Variants in GFRA2 observed in about 807,000 individuals in gnomAD.
GFRA2 encodes the protein GDNF family receptor alpha-2.
Under a neutral mutation model 48.3 loss-of-function variants are expected in GFRA2, and 17 were observed. The observed-to-expected ratio is 0.35, with a 90% CI of 0.24 to 0.53. The LOEUF (loss-of-function observed/expected upper bound fraction) is 0.53, where lower values mean the gene tolerates loss of function less well. Among genes scored for constraint, GFRA2 ranks in the 20% least tolerant of loss-of-function variants. The probability of loss-of-function intolerance (pLI) is 0.93; values close to 1 mark genes in which losing one functional copy is unlikely to be tolerated. For synonymous variants in GFRA2, 305 were observed against 257.2 expected (o/e 1.19, Z -1.78); for missense variants, 660 against 637.3 (o/e 1.04, Z -0.38).
intron 8 of GFRA2, among the ~76,000 whole-genome samples, chr8:21,694,075 T>TTATATATATATA (rs1459342116): frequency 2.0e-5 from 1 of 49,128 alleles, no homozygotes. Flanking sequence ...ATTTATTTAT[T>TTATATATATATA]TTTATATATA....
At chr8:21,714,820 C>T (rs558136398) in intron 4 of GFRA2, among the ~76,000 whole-genome samples, 5 of 152,236 alleles carry the variant, frequency 3.3e-5, no homozygotes, top group African/African-American at 9.6e-5. Flanking sequence ...ACAAGGGCGG[C>T]CACCAGCACT....
chr8:21,704,442 G>A (rs1395191249), intron 6 of GFRA2, among the ~76,000 whole-genome samples: 2 of 152,202 alleles, frequency 1.3e-5, no homozygotes, highest in African/African-American at 4.8e-5. Flanking sequence ...CACAGAGAGG[G>A]AGGAACAGAA....
chr8:21,782,485 C>T (rs1170980512), intron 2 of GFRA2, 100 bp downstream of exon 2: 25 of 892,050 alleles, frequency 2.8e-5, no homozygotes, highest in Non-Finnish European at 3.7e-5. Context: ...GGCCAGTTTG[C>T]GCCACCACCT....
At chr8:21,723,743 C>T (rs543097371) in intron 4 of GFRA2, among the ~76,000 whole-genome samples, 4 of 152,316 alleles carry the variant, frequency 2.6e-5, no homozygotes, top group South Asian at 2.1e-4. Context: ...ACCACTCACT[C>T]GTCCTCTTCT....
chr8:21,780,323 C>T (rs981590867), intron 2 of GFRA2, among the ~76,000 whole-genome samples: 12 of 152,114 alleles, frequency 7.9e-5, no homozygotes, highest in African/African-American at 2.7e-4. Context: ...CTAAGAGCCT[C>T]AGCCTCAGCT....
At chr8:21,790,819 G>A (rs1807557628), upstream of GFRA2, among the ~76,000 whole-genome samples, 1 of 152,230 alleles carries the variant, frequency 6.6e-6, no homozygotes, top group Admixed American at 6.5e-5. Context: ...AGGTCTCTTG[G>A]CTTTTTTTCC....
At chr8:21,752,196 G>A (rs536078148) in intron 3 of GFRA2, among the ~76,000 whole-genome samples, 2 of 151,716 alleles carry the variant, frequency 1.3e-5, no homozygotes, top group African/African-American at 2.4e-5. Flanking sequence ...AGACCTCCTC[G>A]TGACCACACA....
At chr8:21,807,880 T>C (rs867586923) in intron 1 of GFRA2, among the ~76,000 whole-genome samples, 1 of 152,260 alleles carries the variant, frequency 6.6e-6, no homozygotes, top group Admixed American at 6.5e-5. Context: ...ATCATGCCAA[T>C]GCTAGAAGCA....
chr8:21,791,921 G>A (rs1807580249), upstream of GFRA2, among the ~76,000 whole-genome samples: 1 of 152,192 alleles, frequency 6.6e-6, no homozygotes, highest in South Asian at 2.1e-4. Flanking sequence ...CAGGTAGGAG[G>A]CAAGCCCTAG....
intron 4 of GFRA2, among the ~76,000 whole-genome samples, chr8:21,711,497 T>C (rs1010980221): frequency 2.0e-5 from 3 of 152,114 alleles, no homozygotes; most frequent in East Asian, 1.9e-4. Flanking sequence ...AGCTGTAGCC[T>C]GTTCAGTTGC....
Position 21,776,037 on chromosome 8 carries a change from G to GTGTGTGTTGTGTGTGTA in GFRA2, c.356-983_356-982insTACACACACAACACACA, listed in dbSNP as rs549952048. 2.0e-3 allele frequency among the ~76,000 whole-genome samples: 278 copies of GTGTGTGTTGTGTGTGTA among 139,894 alleles called. 3 individuals are homozygous for GTGTGTGTTGTGTGTGTA. Among genetic ancestry groups the GTGTGTGTTGTGTGTGTA allele is most frequent in the African/African-American group, 7.3e-3 (272 of 37,466 alleles). 91.8% of individuals were successfully genotyped at this position (139,894 alleles called of 152,430 possible). A position where few individuals can be genotyped will look rare whatever the true frequency, so the allele number is the denominator to read the frequency against. ...TGTGTGTGTGTGTGTGTGTGTGTGT[G>GTGTGTGTTGTGTGTGTA]TGTAGTGAAAAGCAGGGCACAGCCT... On this transcript the variant is annotated intron_variant, in intron 2 of 8. Coordinates refer to ENST00000524240, the MANE Select transcript of GFRA2 (RefSeq NM_001495.5).
intron 3 of GFRA2, among the ~76,000 whole-genome samples, chr8:21,760,743 A>G (rs1304871004): frequency 2.0e-5 from 3 of 152,180 alleles, no homozygotes; most frequent in Non-Finnish European, 4.4e-5. Context: ...TAACTCAGTG[A>G]GGCGCCACAG....
intron 2 of GFRA2, among the ~76,000 whole-genome samples, chr8:21,798,180 C>T (rs1807711754): frequency 1.3e-5 from 2 of 152,190 alleles, no homozygotes; most frequent in African/African-American, 4.8e-5. Context: ...CATATTCTTC[C>T]TACCTGACTC....
Position 21,693,229 on chromosome 8 carries a change from G to A in GFRA2, c.*49C>T, listed in dbSNP as rs73552629. The A allele has an allele frequency of 0.014, 21,788 of 1,566,250 alleles. 184 individuals carry two copies. Among genetic ancestry groups the A allele is most frequent in the Non-Finnish European group, 0.016 (17,873 of 1,151,044 alleles). On this transcript the variant is annotated 3_prime_UTR_variant, in exon 9 of 9. Transcript: ENST00000524240. Reference sequence around the variant, plus strand: ...TGTGTTTCCATTTCGTCAGGCGGCTGTTCTTGTCTGCGTAGCTTTCAAAAA... The same window carrying A: ...TGTGTTTCCATTTCGTCAGGCGGCTATTCTTGTCTGCGTAGCTTTCAAAAA...
chr8:21,804,435 A>C (rs201132180), intron 2 of GFRA2, among the ~76,000 whole-genome samples: 7,170 of 71,988 alleles, frequency 0.1, 275 homozygotes, highest in East Asian at 0.28. Context: ...TAAAAAAAAA[A>C]ACAAAAAAAA....
chr8:21,705,784 T>C, intron 5 of GFRA2, 148 bp downstream of exon 5: 1 of 606,674 alleles, frequency 1.6e-6, no homozygotes, highest in South Asian at 2.1e-5. Flanking sequence ...TTCCCCTGGT[T>C]TCCCCTCGCA....
chr8:21,710,767 C>T (rs766443386), intron 4 of GFRA2, among the ~76,000 whole-genome samples: 13 of 152,316 alleles, frequency 8.5e-5, no homozygotes, highest in African/African-American at 1.9e-4. Context: ...GGCCTGAGCC[C>T]GGCAGACAGC....
chr8:21,705,078 C>T lies in GFRA2; in HGVS notation c.952G>A (p.Val318Met), dbSNP rs1221599996. Residue 318 changes from valine to methionine, a missense_variant, in exon 6 of 9, where the codon GTG becomes ATG. Physicochemically the swap from Val to Met is conservative, Grantham distance 21. Coordinates refer to ENST00000524240, the MANE Select transcript of GFRA2 (RefSeq NM_001495.5). ...CGACAGCTGCACCAGGGGGACACCA[C>T]GATGCCAGTGGGGCTGGAGTCCACA... ...NYVDSSPTGI[V>M]VSPWCSCRGS... 1.9e-6 allele frequency: 3 copies of T among 1,610,828 alleles called. No homozygotes were observed. Among genetic ancestry groups the T allele is most frequent in the East Asian group, 2.2e-5 (1 of 44,854 alleles).
At chr8:21,731,400 G>A (rs1395558839) in intron 4 of GFRA2, among the ~76,000 whole-genome samples, 7 of 152,140 alleles carry the variant, frequency 4.6e-5, no homozygotes, top group Non-Finnish European at 4.4e-5. Flanking sequence ...TCCATCATCC[G>A]TAGCCATCTC....
Sources: gnomAD v4.1 joint callset for allele counts (sites outside exome capture counted in the v4.1 genomes callset) on GRCh38, gnomAD v4.1.1 for gene constraint, MANE v1.5 for transcripts, NCBI Gene and HGNC (gene_info 2026-07-23, HGNC 2026-07-21) for gene names.